The following ADAMTS6 variants were observed in gnomAD, a reference collection of about 807,000 sequenced individuals.
ADAMTS6 encodes ADAM metallopeptidase with thrombospondin type 1 motif 6.
In ADAMTS6, 23 loss-of-function variants were observed where a neutral mutation model predicts 144.3. The observed-to-expected ratio is 0.16, with a 90% CI of 0.11 to 0.23. The LOEUF is 0.23. ADAMTS6 is among the 10% of genes least tolerant of loss of function. The pLI, the probability that ADAMTS6 is intolerant of heterozygous loss-of-function variation, is 1.00. For synonymous variants in ADAMTS6, 444 were observed against 457.5 expected, an observed-to-expected ratio of 0.97 and a Z score of 0.38; for missense variants, 999 against 1,379.6, an observed-to-expected ratio of 0.72 and a Z score of 4.37.
intron 11 of ADAMTS6, among the ~76,000 whole-genome samples, chr5:65,290,259 A>G (rs1293345330): frequency 6.6e-6 from 1 of 152,160 alleles, no homozygotes; most frequent in Non-Finnish European, 1.5e-5. Flanking sequence ...TTGCATAGAA[A>G]TAGAAATCAG....
chr5:65,194,719 C>A (rs1226693278), intron 21 of ADAMTS6, among the ~76,000 whole-genome samples: 3 of 152,016 alleles, frequency 2.0e-5, no homozygotes, highest in Non-Finnish European at 2.9e-5. Context: ...TTAAAAAAAA[C>A]CCATCAGACT....
intron 14 of ADAMTS6, among the ~76,000 whole-genome samples, chr5:65,247,873 C>T (rs1759769813): frequency 6.6e-6 from 1 of 152,160 alleles, no homozygotes; most frequent in African/African-American, 2.4e-5. Flanking sequence ...ACTAGATCAA[C>T]CTTCAACACT....
chr5:65,196,324 G>C (rs1190346671), intron 21 of ADAMTS6, among the ~76,000 whole-genome samples: 2 of 151,670 alleles, frequency 1.3e-5, no homozygotes, highest in South Asian at 2.1e-4. Flanking sequence ...ATCACGAGGT[G>C]ATCCTGGCTA....
Position 65,197,027 on chromosome 5 carries a change from T to A in ADAMTS6, c.2700A>T (p.Pro900=). The change falls in exon 21 of 25, where the codon CCA becomes CCT. Residue 900 remains proline (P), a synonymous_variant. Transcript: ENST00000381055. Reference sequence around the variant, plus strand: ...CATTTCTTTCCCTTACTTACTCAGGTGGGCAGGGCTCAGTGTTGCAGGCTC... The same window carrying A: ...CATTTCTTTCCCTTACTTACTCAGGAGGGCAGGGCTCAGTGTTGCAGGCTC... The part of the protein sequence containing the change: ...NQRACNTEPC[P]PEWFIGDWLE... The A allele has an allele frequency of 1.2e-6, 2 of 1,611,424 alleles. No individual in the cohort carries two copies. The highest frequency in any genetic ancestry group is 1.7e-6 in the Non-Finnish European group (2 of 1,178,624).
rs1305383517 is a variant in ADAMTS6 at position 65,389,066 on chromosome 5, T to C, written c.1074-54981A>G. ...AAAATACAAAAAAATTAGCCGGGCG[T>C]GGTGGCGGACGCCTGTAGTCCCAGC... On this transcript the variant is annotated intron_variant, in intron 7 of 24. Coordinates refer to ENST00000381055, the MANE Select transcript of ADAMTS6 (RefSeq NM_197941.4). 3.9e-5 allele frequency among the ~76,000 whole-genome samples: 6 copies of C among 152,158 alleles called. No homozygotes were observed. In the East Asian group the frequency reaches 9.7e-4, roughly 25 times the overall value.
chr5:65,159,860 G>A (rs1378734615), intron 24 of ADAMTS6, among the ~76,000 whole-genome samples: 2 of 152,174 alleles, frequency 1.3e-5, no homozygotes, highest in Non-Finnish European at 2.9e-5. Context: ...GCAGATATAT[G>A]CACATATATG....
chr5:65,264,984 C>T (rs1038382925), intron 12 of ADAMTS6, among the ~76,000 whole-genome samples: 1 of 151,960 alleles, frequency 6.6e-6, no homozygotes, highest in African/African-American at 2.4e-5. Context: ...GGTAAAGAAA[C>T]CAAATTCATA....
chr5:65,468,768 T>C (rs189147279), intron 3 of ADAMTS6, among the ~76,000 whole-genome samples: 2 of 152,348 alleles, frequency 1.3e-5, no homozygotes, highest in East Asian at 3.9e-4. Flanking sequence ...TCAACTTTAT[T>C]CTCACTTTTG....
intron 7 of ADAMTS6, among the ~76,000 whole-genome samples, chr5:65,375,340 A>G (rs1044578658): frequency 6.6e-6 from 1 of 151,962 alleles, no homozygotes; most frequent in African/African-American, 2.4e-5. Flanking sequence ...AAAATGGGAG[A>G]AAATTTTCAC....
At chr5:65,168,950 G>T (rs1262032100) in intron 24 of ADAMTS6, among the ~76,000 whole-genome samples, 3 of 144,736 alleles carry the variant, frequency 2.1e-5, no homozygotes, top group East Asian at 2.1e-4. Flanking sequence ...AAACCTAGGC[G>T]TTACCATTCA....
intron 7 of ADAMTS6, among the ~76,000 whole-genome samples, chr5:65,405,360 A>C (rs1184214624): frequency 6.6e-6 from 1 of 152,202 alleles, no homozygotes; most frequent in Non-Finnish European, 1.5e-5. Flanking sequence ...AGCTTTCTAC[A>C]TATGGCTAGC....
chr5:65,381,675 T>C (rs1669920115), intron 7 of ADAMTS6, among the ~76,000 whole-genome samples: 1 of 151,546 alleles, frequency 6.6e-6, no homozygotes, highest in Non-Finnish European at 1.5e-5. Flanking sequence ...TGTGAGCCAC[T>C]ATGCCTGGCC....
chr5:65,323,133 T>C (rs1032555920), intron 9 of ADAMTS6, among the ~76,000 whole-genome samples: 7 of 152,162 alleles, frequency 4.6e-5, no homozygotes, highest in African/African-American at 1.7e-4. Context: ...ATTGTTATTA[T>C]ACTTTAAGTT....
rs1001184600 is a variant in ADAMTS6 at position 65,148,832 on chromosome 5, T to A, written c.*3004A>T. The A allele has an allele frequency of 4.6e-5, 7 of 152,636 alleles. No individual in the cohort carries two copies. The highest frequency in any genetic ancestry group is 7.2e-5 in the African/African-American group (3 of 41,440). The allele number at this position is 152,636 out of a possible 1,614,324, so 9.5% of individuals were successfully genotyped here. ...AATTTCACTCCATCAAGTGTTACAA[T>A]GATTTTTTCATTTTCATTACAAGCA... On this transcript the variant is annotated 3_prime_UTR_variant, in exon 25 of 25. Transcript: ENST00000381055.
chr5:65,233,114 T>C (rs1476017222), intron 15 of ADAMTS6, among the ~76,000 whole-genome samples: 1 of 152,058 alleles, frequency 6.6e-6, no homozygotes, highest in East Asian at 1.9e-4. Flanking sequence ...ATCATTGCAA[T>C]AGATGCAAAA....
intron 14 of ADAMTS6, among the ~76,000 whole-genome samples, chr5:65,248,375 G>T (rs1329034852): frequency 6.6e-6 from 1 of 152,018 alleles, no homozygotes; most frequent in Non-Finnish European, 1.5e-5. Flanking sequence ...TGAATGTAGT[G>T]TCATGCTTGA....
chr5:65,215,241 G>T (rs1756830280), intron 19 of ADAMTS6, 83 bp downstream of exon 19: 11 of 1,424,400 alleles, frequency 7.7e-6, no homozygotes, highest in Non-Finnish European at 1.1e-5. Context: ...CACCTGTAAA[G>T]CAGAGATAAT....
At chr5:65,250,526 C>T (rs1479476689) in intron 14 of ADAMTS6, among the ~76,000 whole-genome samples, 3 of 152,312 alleles carry the variant, frequency 2.0e-5, no homozygotes, top group Non-Finnish European at 2.9e-5. Context: ...CCAAGTACTA[C>T]ATAACCTATA....
rs758280827 is a variant in ADAMTS6, at chr5:65,400,491, T to C, written c.1073+50984A>G. Among the ~76,000 whole-genome samples the C allele has an allele frequency of 6.6e-5, 10 of 152,196 alleles. No individual in the cohort carries two copies. In the South Asian group the frequency reaches 1.0e-3, roughly 16 times the overall value. ...TTGGCCTCTCAAAGTGTTGGAATTA[T>C]AGGCATGAGCCACTGCAGCCAGCTA... On this transcript the variant is annotated intron_variant, in intron 7 of 24. Coordinates refer to ENST00000381055, the MANE Select transcript of ADAMTS6 (RefSeq NM_197941.4).
Sources: allele counts gnomAD v4.1 joint callset (sites outside exome capture counted in the v4.1 genomes callset), GRCh38; gene constraint gnomAD v4.1.1; transcripts MANE v1.5; gene names NCBI Gene and HGNC (gene_info 2026-07-23, HGNC 2026-07-21).